The following SMOC2 variants were observed in gnomAD, a reference collection of about 807,000 sequenced individuals.
SMOC2 encodes the protein SPARC-related modular calcium-binding protein 2.
A neutral mutation model predicts 61.4 loss-of-function variants in SMOC2; 39 were observed. The observed-to-expected ratio is 0.64, with a 90% CI of 0.49 to 0.83. SMOC2 has a LOEUF of 0.83. SMOC2 is among the 40% of genes least tolerant of loss of function. The pLI is 0.00. For synonymous variants in SMOC2, 247 were observed against 239.9 expected (o/e 1.03, Z -0.27); for missense variants, 556 against 592.9 (o/e 0.94, Z 0.65).
At chr6:168,623,344 T>TTTTC (rs1786293657) in intron 9 of SMOC2, among the ~76,000 whole-genome samples, 1 of 150,238 alleles carries the variant, frequency 6.7e-6, no homozygotes, top group African/African-American at 2.5e-5. Flanking sequence ...TTTTTTTTTT[T>TTTTC]TTTTGAGACA....
intron 1 of SMOC2, among the ~76,000 whole-genome samples, chr6:168,455,380 G>A (rs1781560611): frequency 6.6e-6 from 1 of 152,312 alleles, no homozygotes; most frequent in South Asian, 2.1e-4. Flanking sequence ...CAGAAATGAT[G>A]GATTTAGAGA....
At chr6:168,465,350 A>G (rs954307221) in intron 1 of SMOC2, among the ~76,000 whole-genome samples, 2 of 152,108 alleles carry the variant, frequency 1.3e-5, no homozygotes, top group African/African-American at 4.8e-5. Flanking sequence ...AACTTAAGGC[A>G]CTTTTGTTTC....
intron 2 of SMOC2, among the ~76,000 whole-genome samples, chr6:168,515,531 G>T (rs1015957731): frequency 7.5e-6 from 1 of 133,916 alleles, no homozygotes; most frequent in East Asian, 2.2e-4. Flanking sequence ...CCTGCCTCCC[G>T]TCTGCAGTTG....
chr6:168,558,511 G>C (rs953752716), intron 7 of SMOC2, among the ~76,000 whole-genome samples: 25 of 152,052 alleles, frequency 1.6e-4, no homozygotes, highest in Admixed American at 5.2e-4. Context: ...CTGGTTCTCG[G>C]CCCCCCCTGT....
At chr6:168,499,660 T>C (rs1313107050) in intron 1 of SMOC2, among the ~76,000 whole-genome samples, 2 of 152,232 alleles carry the variant, frequency 1.3e-5, no homozygotes, top group African/African-American at 4.8e-5. Context: ...TTTATGTATT[T>C]CCAGTGCGTA....
At chr6:168,640,863 G>A (rs978607384) in intron 9 of SMOC2, among the ~76,000 whole-genome samples, 2 of 152,124 alleles carry the variant, frequency 1.3e-5, no homozygotes, top group African/African-American at 4.8e-5. Context: ...AGACAAAAAC[G>A]CTAGCCTGAG....
intron 7 of SMOC2, among the ~76,000 whole-genome samples, chr6:168,555,674 C>T (rs1784230700): frequency 6.6e-6 from 1 of 152,172 alleles, no homozygotes; most frequent in Admixed American, 6.5e-5. Context: ...TAGCTCAGGC[C>T]AAATTCCTTC....
At chr6:168,626,270 G>A (rs1786406698) in intron 9 of SMOC2, among the ~76,000 whole-genome samples, 1 of 152,220 alleles carries the variant, frequency 6.6e-6, no homozygotes, top group South Asian at 2.1e-4. Context: ...CTGTGCAGAA[G>A]CAAAGTCTTC....
chr6:168,600,492 G>A (rs1207333353), intron 8 of SMOC2, among the ~76,000 whole-genome samples: 4 of 150,960 alleles, frequency 2.6e-5, no homozygotes, highest in Non-Finnish European at 5.9e-5. Flanking sequence ...TTCTTTGATG[G>A]CCTCCAAAAG....
chr6:168,636,953 T>TCTTTCCTCCCTCCTCCCTCCTG lies in SMOC2; in HGVS notation c.908-13710_908-13689dup, dbSNP rs375345076. On this transcript the variant is annotated intron_variant, in intron 9 of 12. Coordinates refer to ENST00000356284, the MANE Select transcript of SMOC2 (RefSeq NM_001166412.2). ...CCCTCCCCACCTCCCTCTTCCCTCC[T>TCTTTCCTCCCTCCTCCCTCCTG]CTTTCCTCCCTCCTCCCTCCTGCTT... Among the ~76,000 whole-genome samples the TCTTTCCTCCCTCCTCCCTCCTG allele has an allele frequency of 4.1e-3, 465 of 113,030 alleles. 7 individuals carry two copies. The highest frequency in any genetic ancestry group is 0.016 in the African/African-American group (451 of 27,420). The allele number at this position is 113,030 out of a possible 152,430, so 74.2% of individuals were successfully genotyped here. A position where few individuals can be genotyped will look rare whatever the true frequency, so the allele number is the denominator to read the frequency against.
intron 7 of SMOC2, among the ~76,000 whole-genome samples, chr6:168,564,609 T>G (rs1784501727): frequency 2.0e-5 from 3 of 152,274 alleles, no homozygotes; most frequent in Admixed American, 2.0e-4. Context: ...TGGCACATTC[T>G]GTCATACTGG....
chr6:168,532,005 G>A (rs868479364), intron 4 of SMOC2, among the ~76,000 whole-genome samples: 7 of 152,188 alleles, frequency 4.6e-5, no homozygotes, highest in South Asian at 2.1e-4. Flanking sequence ...AGGACAAGAA[G>A]CCGGCTCTCG....
At chr6:168,446,141 T>TCATC (rs1441607336) in intron 1 of SMOC2, among the ~76,000 whole-genome samples, 2 of 152,326 alleles carry the variant, frequency 1.3e-5, no homozygotes, top group East Asian at 3.9e-4. Context: ...GGCGGGTGGA[T>TCATC]CATCTGAGGT....
At chr6:168,548,437 A>G (rs1784057787) in intron 6 of SMOC2, among the ~76,000 whole-genome samples, 1 of 148,068 alleles carries the variant, frequency 6.8e-6, no homozygotes, top group Non-Finnish European at 1.5e-5. Context: ...AGCTCACTGC[A>G]ACCTCCGTCT....
At position 168,453,818 on chromosome 6, in the gene SMOC2, ATCTC is replaced by A. The variant is rs1583027434; in HGVS notation, c.84+12369_84+12372del. Among the ~76,000 whole-genome samples the A allele has an allele frequency of 1.4e-5, 2 of 142,180 alleles. No homozygotes were observed. The highest frequency in any genetic ancestry group is 3.1e-5 in the Non-Finnish European group (2 of 65,394). 93.3% of individuals were successfully genotyped at this position (142,180 alleles called of 152,430 possible). On this transcript the variant is annotated intron_variant, in intron 1 of 12. Coordinates refer to ENST00000356284, the MANE Select transcript of SMOC2 (RefSeq NM_001166412.2). The surrounding 1 kb of genome is among the most constrained non-coding windows in gnomAD (Gnocchi z 4.4). Reference sequence around the variant, plus strand: ...CTGTCATTCTCCATCTCTGTCCTCTATCTCTCTCCGTCTCTCTGTTTGTCTCTCA... The same window carrying A: ...CTGTCATTCTCCATCTCTGTCCTCTATCTCCGTCTCTCTGTTTGTCTCTCA...
intron 1 of SMOC2, among the ~76,000 whole-genome samples, chr6:168,462,668 G>A (rs1358538320): frequency 6.6e-6 from 1 of 152,184 alleles, no homozygotes; most frequent in Non-Finnish European, 1.5e-5. Context: ...AATTCAGGCT[G>A]CAAGCTTTGC....
At chr6:168,471,919 A>AT (rs1781974610) in intron 1 of SMOC2, among the ~76,000 whole-genome samples, 1 of 152,160 alleles carries the variant, frequency 6.6e-6, no homozygotes. Context: ...GTTGACTTGT[A>AT]TAAGTTCTTT....
intron 1 of SMOC2, among the ~76,000 whole-genome samples, chr6:168,450,605 G>A (rs1781438379): frequency 6.6e-6 from 1 of 152,128 alleles, no homozygotes; most frequent in Non-Finnish European, 1.5e-5. Context: ...TATTCATGTT[G>A]AAGTGCTGGA....
intron 9 of SMOC2, among the ~76,000 whole-genome samples, chr6:168,619,801 G>A (rs1182234928): frequency 6.6e-6 from 1 of 152,228 alleles, no homozygotes; most frequent in Non-Finnish European, 1.5e-5. Context: ...AGGGGACTCT[G>A]CCTGGAGTCG....
Sources: allele counts gnomAD v4.1 joint callset (sites outside exome capture counted in the v4.1 genomes callset), GRCh38; gene constraint gnomAD v4.1.1; non-coding constraint Gnocchi (gnomAD v3.1); transcripts MANE v1.5; gene names NCBI Gene and HGNC (gene_info 2026-07-23, HGNC 2026-07-21).